The following ARHGAP44 variants were observed in gnomAD, a reference collection of about 807,000 sequenced individuals.
ARHGAP44 encodes the protein Rho GTPase activating protein 44.
In ARHGAP44, 43 loss-of-function variants were observed where a neutral mutation model predicts 106.8. The observed-to-expected ratio is 0.40, with a 90% confidence interval of 0.32 to 0.52. The LOEUF (loss-of-function observed/expected upper bound fraction) is 0.52, where lower values mean the gene tolerates loss of function less well. ARHGAP44 is among the 20% of genes least tolerant of loss of function. The pLI, the probability that ARHGAP44 is intolerant of heterozygous loss-of-function variation, is 0.48. For synonymous variants in ARHGAP44, 439 were observed against 410.3 expected, an observed-to-expected ratio of 1.07 and a Z score of -0.85; for missense variants, 866 against 1,050.5, an observed-to-expected ratio of 0.82 and a Z score of 2.43.
intron 2 of ARHGAP44, 140 bp from the exon 3 acceptor site, chr17:12,896,266 AC>A (rs1198879705): frequency 4.6e-6 from 3 of 650,922 alleles, no homozygotes; most frequent in African/African-American, 4.1e-5. Context: ...AATTTAAAAA[AC>A]AAACAAACAA....
intron 1 of ARHGAP44, among the ~76,000 whole-genome samples, chr17:12,816,281 A>G (rs1013353849): frequency 2.0e-5 from 3 of 152,170 alleles, no homozygotes; most frequent in Non-Finnish European, 2.9e-5. Context: ...TCTTGAAGCT[A>G]TAAACTTGAG....
intron 1 of ARHGAP44, among the ~76,000 whole-genome samples, chr17:12,866,409 G>A (rs751900325): frequency 6.6e-6 from 1 of 152,064 alleles, no homozygotes; most frequent in Non-Finnish European, 1.5e-5. Flanking sequence ...CACATAATCA[G>A]CACCCTGCCT....
chr17:12,913,086 A>G (rs1193393264), intron 4 of ARHGAP44, among the ~76,000 whole-genome samples: 1 of 152,250 alleles, frequency 6.6e-6, no homozygotes, highest in Non-Finnish European at 1.5e-5. Context: ...AGACAGGTCC[A>G]GGAGGGATTA....
intron 1 of ARHGAP44, among the ~76,000 whole-genome samples, chr17:12,811,267 C>T (rs866017776): frequency 1.0e-4 from 15 of 149,542 alleles, no homozygotes; most frequent in African/African-American, 3.7e-4. Flanking sequence ...GAGCCGAGAT[C>T]GCACCACTGC....
At chr17:12,853,228 G>A (rs2035813382) in intron 1 of ARHGAP44, among the ~76,000 whole-genome samples, 1 of 152,178 alleles carries the variant, frequency 6.6e-6, no homozygotes, top group Admixed American at 6.5e-5. Context: ...TTCGAGGGCA[G>A]GAAGCCTCCA....
intron 1 of ARHGAP44, among the ~76,000 whole-genome samples, chr17:12,845,774 G>A (rs577003539): frequency 4.6e-5 from 7 of 152,284 alleles, no homozygotes; most frequent in African/African-American, 1.4e-4. Context: ...TAATGTAACT[G>A]TACTAACAAC....
chr17:12,833,112 T>C (rs2035136256), intron 1 of ARHGAP44, among the ~76,000 whole-genome samples: 1 of 152,166 alleles, frequency 6.6e-6, no homozygotes, highest in Non-Finnish European at 1.5e-5. Context: ...TAGAACAGCT[T>C]AGGGTAGTCT....
intron 1 of ARHGAP44, among the ~76,000 whole-genome samples, chr17:12,846,058 G>C (rs749661197): frequency 1.3e-5 from 1 of 78,288 alleles, no homozygotes; most frequent in African/African-American, 3.2e-4. Flanking sequence ...GTTTTTCACC[G>C]TTATGAGGAA....
chr17:12,930,475 T>C (rs1598072950), intron 7 of ARHGAP44, among the ~76,000 whole-genome samples: 1 of 152,166 alleles, frequency 6.6e-6, no homozygotes, highest in Non-Finnish European at 1.5e-5. Flanking sequence ...TGATCTCAGG[T>C]GATCTACCTG....
At chr17:12,897,159 T>C (rs2037230995) in intron 3 of ARHGAP44, among the ~76,000 whole-genome samples, 1 of 152,230 alleles carries the variant, frequency 6.6e-6, no homozygotes, top group Non-Finnish European at 1.5e-5. Context: ...GATTAAAAGA[T>C]ATTCTTAGAC....
At chr17:12,971,645 A>G (rs1481027853) in intron 16 of ARHGAP44, among the ~76,000 whole-genome samples, 1 of 152,164 alleles carries the variant, frequency 6.6e-6, no homozygotes, top group Non-Finnish European at 1.5e-5. Flanking sequence ...CAGAGTTTCA[A>G]GTGGCCTCCA....
At chr17:12,985,032 C>T in intron 20 of ARHGAP44, 124 bp downstream of exon 20, 1 of 1,264,298 alleles carries the variant, frequency 7.9e-7, no homozygotes, top group African/African-American at 1.5e-5. Flanking sequence ...ACTGGGCTGG[C>T]ACCAGGGGTA....
Position 12,825,330 on chromosome 17 carries a change from C to G in ARHGAP44, c.53+35439C>G, listed in dbSNP as rs573953273. Reference sequence around the variant, plus strand: ...TGGGATTACAGCATGAGCCACTGCTCCCAGCCCTTGATTACTAATTTTTTA... The same window carrying G: ...TGGGATTACAGCATGAGCCACTGCTGCCAGCCCTTGATTACTAATTTTTTA... On this transcript the variant is annotated intron_variant, in intron 1 of 20. Coordinates refer to ENST00000379672, the MANE Select transcript of ARHGAP44 (RefSeq NM_014859.6). Among the ~76,000 whole-genome samples, 13 of 126,294 alleles carry G rather than the reference C, an allele frequency of 1.0e-4. No homozygotes were observed. In the East Asian group the frequency reaches 2.8e-3, roughly 27 times the overall value. The allele number at this position is 126,294 out of a possible 152,430, so 82.9% of individuals were successfully genotyped here.
chr17:12,916,112 C>T lies in ARHGAP44; in HGVS notation c.387+101C>T, dbSNP rs143958491. ...CAGCATTCTACTTCTTTCCCTTAAC[C>T]TTCTCCCCAACATTGTTTTTCATCA... is the stretch of plus-strand genomic sequence containing the variant. On this transcript the variant is annotated intron_variant, in intron 5 of 20. Coordinates refer to ENST00000379672, the MANE Select transcript of ARHGAP44 (RefSeq NM_014859.6). The T allele has an allele frequency of 2.2e-4, 203 of 913,508 alleles. No homozygotes were observed. In the East Asian group the frequency reaches 5.2e-3, roughly 24 times the overall value. 56.6% of individuals were successfully genotyped at this position (913,508 alleles called of 1,614,324 possible).
chr17:12,836,650 C>G (rs1312809243), intron 1 of ARHGAP44, among the ~76,000 whole-genome samples: 1 of 151,374 alleles, frequency 6.6e-6, no homozygotes, highest in Admixed American at 6.6e-5. Context: ...GAGTGAGACT[C>G]TGTCTCAAAA....
At chr17:12,989,611 A>T (rs1008133518) in intron 20 of ARHGAP44, among the ~76,000 whole-genome samples, 5 of 152,114 alleles carry the variant, frequency 3.3e-5, no homozygotes, top group Admixed American at 3.3e-4. Flanking sequence ...CCATTCTCTC[A>T]CAGGCTTGAG....
intron 3 of ARHGAP44, among the ~76,000 whole-genome samples, chr17:12,900,392 G>A (rs540260231): frequency 6.6e-4 from 101 of 152,238 alleles, no homozygotes; most frequent in South Asian, 2.1e-3. Context: ...CTCCCAAAGT[G>A]TTGGGATTAC....
chr17:12,791,483 A>G (rs2033755960), intron 1 of ARHGAP44, among the ~76,000 whole-genome samples: 1 of 152,198 alleles, frequency 6.6e-6, no homozygotes, highest in African/African-American at 2.4e-5. Context: ...CCCTGACACT[A>G]GACTTGGGTT....
chr17:12,981,914 G>A (rs562376566), intron 19 of ARHGAP44, among the ~76,000 whole-genome samples: 2 of 152,238 alleles, frequency 1.3e-5, no homozygotes, highest in South Asian at 2.1e-4. Context: ...AGGAGGCTGA[G>A]GCACAAGAAT....
Sources: gnomAD v4.1 joint callset for allele counts (sites outside exome capture counted in the v4.1 genomes callset) on GRCh38, gnomAD v4.1.1 for gene constraint, MANE v1.5 for transcripts, NCBI Gene and HGNC (gene_info 2026-07-23, HGNC 2026-07-21) for gene names.